The following HUWE1 variants were observed in gnomAD, a reference collection of about 807,000 sequenced individuals.
HUWE1 encodes E3 ubiquitin-protein ligase HUWE1.
Under a neutral mutation model 299.4 loss-of-function variants are expected in HUWE1, and 18 were observed. The ratio of observed to expected loss-of-function variants is 0.06; its 90% confidence interval spans 0.04 to 0.09. The LOEUF (loss-of-function observed/expected upper bound fraction) is 0.09, where lower values mean the gene tolerates loss of function less well. HUWE1 is among the 10% of genes least tolerant of loss of function. The probability of loss-of-function intolerance (pLI) is 1.00; values close to 1 mark genes in which losing one functional copy is unlikely to be tolerated. For synonymous variants in HUWE1, 1,317 were observed against 1,286.1 expected (o/e 1.02, Z -0.51); for missense variants, 1,832 against 3,462.3 (o/e 0.53, Z 11.82).
At chrX:53,671,119 G>A (rs933575633) in intron 3 of HUWE1, among the ~76,000 whole-genome samples, 2 of 110,929 alleles carry the variant, frequency 1.8e-5, no homozygotes, top group African/African-American at 6.6e-5. Flanking sequence ...GGACTTTGGG[G>A]ACTCAGGGGG....
Position 53,554,553 on chromosome X carries a change from CAA to C in HUWE1, c.8494+78_8494+79del, listed in dbSNP as rs1257143780. The C allele has an allele frequency of 1.4e-5, 14 of 1,017,882 alleles. No individual in the cohort carries two copies. In the African/African-American group the frequency reaches 2.6e-4, roughly 19 times the overall value. 83.9% of individuals were successfully genotyped at this position (1,017,882 alleles called of 1,213,427 possible). A position where few individuals can be genotyped will look rare whatever the true frequency, so the allele number is the denominator to read the frequency against. On this transcript the variant is annotated intron_variant, in intron 61 of 83. Coordinates refer to ENST00000262854, the MANE Select transcript of HUWE1 (RefSeq NM_031407.7). ...TTGAACTCCTACTATTTCTCTCAAG[CAA>C]AAGAGCAAAGAGAAGCTACAAAGAC...
intron 43 of HUWE1, among the ~76,000 whole-genome samples, chrX:53,578,355 G>T (rs1190025431): frequency 4.1e-5 from 4 of 97,667 alleles, no homozygotes; most frequent in Admixed American, 1.0e-4. Context: ...GAGGGAGGTG[G>T]GGGGGGGTCA....
At chrX:53,602,349 T>TC (rs1432878751) in intron 28 of HUWE1, among the ~76,000 whole-genome samples, 1 of 108,715 alleles carries the variant, frequency 9.2e-6, no homozygotes, top group Non-Finnish European at 1.9e-5. Flanking sequence ...TTTTTTTTTT[T>TC]GGTGGCAGAA....
At position 53,630,956 on chromosome X, in the gene HUWE1, G is replaced by A; in HGVS notation, c.841C>T (p.Leu281=). The A allele has an allele frequency of 8.5e-7, 1 of 1,177,672 alleles. No individual in the cohort carries two copies. Among genetic ancestry groups the A allele is most frequent in the Non-Finnish European group, 1.2e-6 (1 of 864,418 alleles). Residue 281 remains leucine (L), a synonymous_variant, in exon 12 of 84, where the codon CTG becomes TTG. Coordinates refer to ENST00000262854, the MANE Select transcript of HUWE1 (RefSeq NM_031407.7). ...TTACCTAATATAGATATTGCATGCA[G>A]TCTGGCCTGAACTGCCTGCAATCGC... ...RKRLQAVQAR[L]HAISILVYSN...
intron 23 of HUWE1, among the ~76,000 whole-genome samples, 174 bp downstream of exon 23, chrX:53,614,360 A>G (rs1370092377): frequency 8.9e-6 from 1 of 112,233 alleles, no homozygotes; most frequent in Non-Finnish European, 1.9e-5. Context: ...AGCACAAATG[A>G]CACACAAGGG....
intron 19 of HUWE1, among the ~76,000 whole-genome samples, chrX:53,623,221 A>C (rs1386563679): frequency 9.0e-6 from 1 of 111,227 alleles, no homozygotes; most frequent in Non-Finnish European, 1.9e-5. Context: ...GTCAATGGCA[A>C]TTGCTCCTTC....
intron 20 of HUWE1, 50 bp from the exon 21 acceptor site, chrX:53,617,197 C>G (rs781856827): frequency 1.4e-5 from 16 of 1,128,425 alleles, no homozygotes; most frequent in Middle Eastern, 2.4e-4. Context: ...AGTGTAGATG[C>G]TAGGAAAATC....
At position 53,533,426 on chromosome X, in the gene HUWE1, A is replaced by T. The variant is rs782100369; in HGVS notation, c.13023-15T>A. The T allele has an allele frequency of 1.8e-6, 2 of 1,125,040 alleles. No homozygotes were observed. Among genetic ancestry groups the T allele is most frequent in the Non-Finnish European group, 2.4e-6 (2 of 821,491 alleles). 92.7% of individuals were successfully genotyped at this position (1,125,040 alleles called of 1,213,427 possible). Reference sequence around the variant, plus strand: ...GCTGATTAAAACTAAGGAAAGAAGAAAGATCAGTTTGTGGTGAGGGATGAC... The same window carrying T: ...GCTGATTAAAACTAAGGAAAGAAGATAGATCAGTTTGTGGTGAGGGATGAC... On this transcript the variant is annotated splice_polypyrimidine_tract_variant and intron_variant, in intron 83 of 83. Transcript: ENST00000262854.
intron 68 of HUWE1, among the ~76,000 whole-genome samples, chrX:53,547,326 T>C (rs782653323): frequency 2.7e-5 from 3 of 111,918 alleles, no homozygotes; most frequent in Non-Finnish European, 3.8e-5. Context: ...TCAACACAAC[T>C]GGAAAGGCTG....
In HUWE1 at chrX:53,539,604, G is replaced by A. The variant is rs3810735; in HGVS notation, c.11632+53C>T. On this transcript the variant is annotated intron_variant, in intron 75 of 83. Transcript: ENST00000262854. ...GGAAGAAAAACAAGCTGGCAGGAAG[G>A]GCCCCAGAGCAGACCACTGGGTTGG... 63 of 1,150,248 alleles carry A rather than the reference G, an allele frequency of 5.5e-5. No individual in the cohort carries two copies. In the East Asian group the frequency reaches 1.6e-3, roughly 29 times the overall value. The allele number at this position is 1,150,248 out of a possible 1,213,427, so 94.8% of individuals were successfully genotyped here.
At chrX:53,577,868 G>A (rs1602775450) in intron 43 of HUWE1, among the ~76,000 whole-genome samples, 1 of 113,398 alleles carries the variant, frequency 8.8e-6, no homozygotes, top group Non-Finnish European at 1.9e-5. Context: ...ATCTCGGCTC[G>A]CTACAACCTC....
chrX:53,674,468 A>G (rs1242964170), intron 3 of HUWE1, among the ~76,000 whole-genome samples: 1 of 112,415 alleles, frequency 8.9e-6, no homozygotes, highest in Admixed American at 9.4e-5. Context: ...AGGAGGTCAT[A>G]AAATCTAGCT....
chrX:53,652,696 T>C (rs1291146754), intron 4 of HUWE1, among the ~76,000 whole-genome samples: 1 of 112,207 alleles, frequency 8.9e-6, no homozygotes, highest in Non-Finnish European at 1.9e-5. Flanking sequence ...ACGTTCAATA[T>C]ATATGGCATT....
chrX:53,569,684 T>A lies in HUWE1; in HGVS notation c.6456A>T (p.Leu2152=). The stretch of plus-strand genomic sequence containing the variant: ...CAAGGGCTGCTTTTACTTCATTCAC[T>A]AGGGCCACCTGGGCATCTGTGCCAC... The part of the protein sequence containing the change: ...AGSGTDAQVA[L]VNEVKAALGR... The change falls in exon 48 of 84, where the codon CTA becomes CTT. Residue 2152 remains leucine (L), a synonymous_variant. Transcript: ENST00000262854. 1 of 1,211,994 alleles carries A rather than the reference T, an allele frequency of 8.3e-7. No individual in the cohort carries two copies. Among genetic ancestry groups the A allele is most frequent in the Non-Finnish European group, 1.1e-6 (1 of 895,498 alleles).
chrX:53,541,038 G>T (rs2061322380), intron 74 of HUWE1, among the ~76,000 whole-genome samples: 1 of 111,929 alleles, frequency 8.9e-6, no homozygotes. Context: ...TGAAAGGTAG[G>T]ATAACAATGG....
At chrX:53,565,028 T>C in intron 50 of HUWE1, 39 bp downstream of exon 50, 2 of 1,176,956 alleles carry the variant, frequency 1.7e-6, no homozygotes, top group Non-Finnish European at 2.3e-6. Context: ...ATAAAGCAAC[T>C]ACTCCCACCT....
intron 39 of HUWE1, 78 bp downstream of exon 39, chrX:53,586,412 T>C: frequency 1.6e-6 from 1 of 619,706 alleles, no homozygotes; most frequent in Admixed American, 2.5e-5. Flanking sequence ...TCTTCACTAC[T>C]CTCTCATATT....
rs373770126 is a variant in HUWE1, at chrX:53,585,123, G to A, written c.4890C>T (p.Tyr1630=). The A allele has an allele frequency of 1.7e-6, 2 of 1,211,566 alleles. No homozygotes were observed. Among genetic ancestry groups the A allele is most frequent in the Non-Finnish European group, 2.2e-6 (2 of 895,142 alleles). The part of the protein sequence containing the change: ...FDDRSGRWCS[Y]SASNNSTIDS... ...CAATAGTGCTATTGTTGCTTGCACT[G>A]TAACTACACCAACGCCCAGAGCGAT... is the stretch of plus-strand genomic sequence containing the variant. Residue 1630 remains tyrosine, a synonymous_variant, in exon 40 of 84, where the codon TAC becomes TAT. Coordinates refer to ENST00000262854, the MANE Select transcript of HUWE1 (RefSeq NM_031407.7).
intron 47 of HUWE1, among the ~76,000 whole-genome samples, chrX:53,572,938 CA>C (rs782391201): frequency 9.0e-6 from 1 of 111,115 alleles, no homozygotes; most frequent in African/African-American, 3.3e-5. Flanking sequence ...GATGCCAACC[CA>C]TAAAAGCAAT....
Sources: gnomAD v4.1 joint callset for allele counts (sites outside exome capture counted in the v4.1 genomes callset) on GRCh38, gnomAD v4.1.1 for gene constraint, MANE v1.5 for transcripts, NCBI Gene and HGNC (gene_info 2026-07-23, HGNC 2026-07-21) for gene names.